The following KLHL1 variants were observed in gnomAD, a reference collection of about 807,000 sequenced individuals.
The protein encoded by KLHL1 is kelch-like protein 1.
Under a neutral mutation model 77.7 loss-of-function variants are expected in KLHL1, and 47 were observed. That is an observed-to-expected ratio of 0.60 (90% CI 0.48 to 0.77). The LOEUF (loss-of-function observed/expected upper bound fraction) is 0.77, where lower values mean the gene tolerates loss of function less well. Ranked by LOEUF, KLHL1 falls within the 30% of genes least tolerant of loss-of-function variation. The pLI is 0.00. For missense variants in KLHL1, 925 were observed against 910.8 expected, an observed-to-expected ratio of 1.02 and a Z score of -0.20; for synonymous variants, 360 against 325.2, an observed-to-expected ratio of 1.11 and a Z score of -1.15.
chr13:69,922,412 A>G (rs948875900), intron 4 of KLHL1, among the ~76,000 whole-genome samples: 2 of 152,024 alleles, frequency 1.3e-5, no homozygotes, highest in Admixed American at 6.6e-5. Flanking sequence ...GCAGGTATTA[A>G]CAGGGAAATG....
intron 3 of KLHL1, among the ~76,000 whole-genome samples, chr13:69,960,934 G>A (rs1416202870): frequency 6.6e-6 from 1 of 151,852 alleles, no homozygotes; most frequent in Non-Finnish European, 1.5e-5. Flanking sequence ...ACATTCCAGG[G>A]AAAAAGTTAT....
intron 7 of KLHL1, among the ~76,000 whole-genome samples, chr13:69,788,802 G>A (rs2138022050): frequency 2.0e-5 from 3 of 152,174 alleles, no homozygotes; most frequent in African/African-American, 7.2e-5. Flanking sequence ...GAAGATTTTA[G>A]AAAGACTTGA....
chr13:69,935,467 T>A (rs1421230804), intron 4 of KLHL1, among the ~76,000 whole-genome samples: 2 of 152,010 alleles, frequency 1.3e-5, no homozygotes, highest in Non-Finnish European at 2.9e-5. Flanking sequence ...AGCCAGGAAC[T>A]AAACAAGGAC....
rs1449950145 is a variant in KLHL1 at position 69,740,348 on chromosome 13, A to T, written c.1802+46T>A. ...TTATTTTTCAAATAATATTTACCCA[A>T]TAACTTTTTTTCTAAGATTAAAAAA... On this transcript the variant is annotated intron_variant, in intron 8 of 10. Transcript: ENST00000377844. 4 of 1,311,408 alleles carry T rather than the reference A, an allele frequency of 3.1e-6. No individual in the cohort carries two copies. The African/African-American group carries it at 4.5e-5, about 15-fold the overall frequency. 81.2% of individuals were successfully genotyped at this position (1,311,408 alleles called of 1,614,324 possible).
chr13:69,939,017 A>C (rs1182165096), intron 4 of KLHL1, among the ~76,000 whole-genome samples: 2 of 151,848 alleles, frequency 1.3e-5, no homozygotes, highest in African/African-American at 4.8e-5. Flanking sequence ...AAAAATTTCC[A>C]TAAGACTTCA....
At chr13:69,953,993 T>C (rs2137258650) in intron 3 of KLHL1, among the ~76,000 whole-genome samples, 1 of 151,416 alleles carries the variant, frequency 6.6e-6, no homozygotes, top group Admixed American at 6.6e-5. Context: ...ACTTAAAGAC[T>C]ATTATTTTCC....
At chr13:69,717,288 T>C (rs1872813511) in intron 9 of KLHL1, among the ~76,000 whole-genome samples, 1 of 152,158 alleles carries the variant, frequency 6.6e-6, no homozygotes. Context: ...TTACAGTCTA[T>C]GTGCAAAGTG....
At chr13:69,993,260 G>C (rs1341501324) in intron 1 of KLHL1, among the ~76,000 whole-genome samples, 2 of 152,022 alleles carry the variant, frequency 1.3e-5, no homozygotes, top group African/African-American at 4.8e-5. Context: ...AGCCATAGCA[G>C]AACCACCACG....
chr13:69,849,221 C>G (rs1184670939), intron 5 of KLHL1, among the ~76,000 whole-genome samples: 2 of 151,562 alleles, frequency 1.3e-5, no homozygotes, highest in Non-Finnish European at 3.0e-5. Flanking sequence ...AACCTTCTCT[C>G]TGTTCCCCTA....
intron 6 of KLHL1, among the ~76,000 whole-genome samples, chr13:69,836,528 C>T (rs1195608407): frequency 1.3e-5 from 2 of 152,022 alleles, no homozygotes; most frequent in Non-Finnish European, 2.9e-5. Flanking sequence ...GAAAGCCAAA[C>T]AAGAGTAAGG....
intron 10 of KLHL1, among the ~76,000 whole-genome samples, chr13:69,704,936 TAAATG>T (rs1204258884): frequency 2.8e-5 from 4 of 144,820 alleles, no homozygotes; most frequent in African/African-American, 5.1e-5. Context: ...TGTCTACAAA[TAAATG>T]AAATGCATAC....
At chr13:69,933,110 C>T (rs999244662) in intron 4 of KLHL1, among the ~76,000 whole-genome samples, 1 of 151,898 alleles carries the variant, frequency 6.6e-6, no homozygotes, top group African/African-American at 2.4e-5. Context: ...TTATACTCAC[C>T]CTGACCTTTT....
At chr13:70,086,703 T>C (rs1190817907) in intron 1 of KLHL1, among the ~76,000 whole-genome samples, 1 of 144,748 alleles carries the variant, frequency 6.9e-6, no homozygotes, top group Non-Finnish European at 1.5e-5. Flanking sequence ...ATTGCCCTTT[T>C]CAAACTTTTT....
At chr13:69,899,018 A>ATTTTTTTTTT (rs4053609) in intron 4 of KLHL1, among the ~76,000 whole-genome samples, 1 of 146,130 alleles carries the variant, frequency 6.8e-6, no homozygotes. Flanking sequence ...AAAATTACAC[A>ATTTTTTTTTT]TTTTTTTTTT....
At chr13:69,801,883 C>G (rs879842448) in intron 6 of KLHL1, among the ~76,000 whole-genome samples, 6 of 151,974 alleles carry the variant, frequency 3.9e-5, no homozygotes, top group Non-Finnish European at 7.4e-5. Context: ...TTTAATTTTA[C>G]TTTAAGTTCT....
chr13:69,733,853 C>A (rs1432917379), intron 8 of KLHL1, among the ~76,000 whole-genome samples: 1 of 152,122 alleles, frequency 6.6e-6, no homozygotes, highest in Admixed American at 6.5e-5. Flanking sequence ...CTACAGCCAG[C>A]TAAAATGTGT....
chr13:70,001,579 G>GTGTC (rs978134700), intron 1 of KLHL1, among the ~76,000 whole-genome samples: 28 of 93,678 alleles, frequency 3.0e-4, no homozygotes, highest in African/African-American at 5.4e-4. Context: ...TATGATCTAT[G>GTGTC]TGTCTATCTA....
intron 6 of KLHL1, among the ~76,000 whole-genome samples, chr13:69,805,492 A>G (rs1877578009): frequency 1.3e-5 from 2 of 151,922 alleles, no homozygotes; most frequent in Admixed American, 6.6e-5. Flanking sequence ...TTACCTTTAA[A>G]ATCTTAGAAA....
chr13:69,766,698 G>A (rs1678901290), intron 7 of KLHL1, among the ~76,000 whole-genome samples: 1 of 152,072 alleles, frequency 6.6e-6, no homozygotes, highest in South Asian at 2.1e-4. Flanking sequence ...TCAGTCACAA[G>A]TCTATCTTTA....
Sources: allele counts gnomAD v4.1 joint callset (sites outside exome capture counted in the v4.1 genomes callset), GRCh38; gene constraint gnomAD v4.1.1; transcripts MANE v1.5; gene names NCBI Gene and HGNC (gene_info 2026-07-23, HGNC 2026-07-21).